GRIA3: variants seen among roughly 807,000 people sequenced by gnomAD.
GRIA3 encodes the protein glutamate receptor 3.
In GRIA3, 3 loss-of-function variants were observed where a neutral mutation model predicts 63.0. That is an observed-to-expected ratio of 0.05 (90% CI 0.02 to 0.12). The LOEUF is 0.12. Among genes scored for constraint, GRIA3 ranks in the 10% least tolerant of loss-of-function variants. GRIA3 has a pLI of 1.00. For synonymous variants in GRIA3, 274 were observed against 257.9 expected, an observed-to-expected ratio of 1.06 and a Z score of -0.60; for missense variants, 347 against 700.9, an observed-to-expected ratio of 0.50 and a Z score of 5.70.
intron 2 of GRIA3, among the ~76,000 whole-genome samples, chrX:123,229,015 C>T (rs1569403480): frequency 9.0e-6 from 1 of 111,365 alleles, no homozygotes; most frequent in Non-Finnish European, 1.9e-5. Context: ...AGGAATTTCT[C>T]GCTGGGGTTG....
chrX:123,259,144 T>C (rs776424446), intron 3 of GRIA3, among the ~76,000 whole-genome samples: 4 of 112,079 alleles, frequency 3.6e-5, no homozygotes, highest in Non-Finnish European at 7.5e-5. Flanking sequence ...AGTTGTCAGA[T>C]AGCTAGGAAG....
At chrX:123,466,711 G>T (rs1297577025) in intron 13 of GRIA3, among the ~76,000 whole-genome samples, 1 of 112,191 alleles carries the variant, frequency 8.9e-6, no homozygotes, top group African/African-American at 3.2e-5. Flanking sequence ...AATCCTCCTT[G>T]GCCCAAGGGG....
intron 3 of GRIA3, among the ~76,000 whole-genome samples, chrX:123,296,434 A>G (rs1432742624): frequency 9.1e-6 from 1 of 109,972 alleles, no homozygotes; most frequent in Non-Finnish European, 1.9e-5. Context: ...CACCCTCCCC[A>G]ATTCCCACCC....
intron 5 of GRIA3, among the ~76,000 whole-genome samples, chrX:123,379,772 C>G (rs901177926): frequency 9.6e-6 from 1 of 103,782 alleles, no homozygotes. Context: ...TTAGGTATAT[C>G]TCCTACTGCT....
chrX:123,330,761 A>C (rs1299007955), intron 4 of GRIA3, among the ~76,000 whole-genome samples: 2 of 111,560 alleles, frequency 1.8e-5, no homozygotes. Context: ...ATTAGAAATG[A>C]CTCATTATAA....
chrX:123,305,783 C>T, intron 3 of GRIA3, among the ~76,000 whole-genome samples: 1 of 112,343 alleles, frequency 8.9e-6, no homozygotes. Context: ...AAATAGGTTA[C>T]ACAATTAAAT....
intron 5 of GRIA3, among the ~76,000 whole-genome samples, chrX:123,375,084 G>A (rs1241270182): frequency 1.8e-5 from 2 of 111,343 alleles, no homozygotes; most frequent in African/African-American, 6.5e-5. Flanking sequence ...CTGTCATATG[G>A]CTTTTATTAT....
At chrX:123,300,193 T>C (rs1342266804) in intron 3 of GRIA3, among the ~76,000 whole-genome samples, 1 of 109,602 alleles carries the variant, frequency 9.1e-6, no homozygotes, top group Non-Finnish European at 1.9e-5. Flanking sequence ...TTTTCTTTTA[T>C]TGTTGTGTCG....
At chrX:123,228,014 CT>C (rs1433199958) in intron 2 of GRIA3, among the ~76,000 whole-genome samples, 1 of 112,176 alleles carries the variant, frequency 8.9e-6, no homozygotes, top group African/African-American at 3.2e-5. Context: ...AGACTGGAGC[CT>C]TTCAGCTCCT....
chrX:123,483,729 G>A (rs1308984789), intron 15 of GRIA3, among the ~76,000 whole-genome samples: 14 of 111,871 alleles, frequency 1.3e-4, no homozygotes, highest in Admixed American at 9.5e-5. Context: ...TCAGGAGATC[G>A]AGACCATCTT....
At chrX:123,398,522 AG>A in intron 6 of GRIA3, 113 bp from the exon 7 acceptor site, 4 of 573,743 alleles carry the variant, frequency 7.0e-6, no homozygotes, top group Non-Finnish European at 8.7e-6. Context: ...TTAAATAAAT[AG>A]GGGGGTGACT....
chrX:123,260,832 ACAGCCTGCCTAAT>A lies in GRIA3; in HGVS notation c.508+7292_508+7304del, dbSNP rs1023865145. Among the ~76,000 whole-genome samples the A allele has an allele frequency of 2.3e-4, 25 of 110,871 alleles. 1 individual carries two copies. Among genetic ancestry groups the A allele is most frequent in the Middle Eastern group, 4.6e-3 (1 of 217 alleles). ...GTACCTGAGACATTTGGTAGTTTCC[ACAGCCTGCCTAAT>A]CTATTGTGATGAGTCTTCAACTATG... is the stretch of plus-strand genomic sequence containing the variant. On this transcript the variant is annotated intron_variant, in intron 3 of 15. Transcript: ENST00000620443.
intron 3 of GRIA3, among the ~76,000 whole-genome samples, chrX:123,294,055 T>TAA (rs10633680): frequency 0.049 from 5,019 of 102,808 alleles, 221 homozygotes; most frequent in African/African-American, 0.15. Context: ...TCCTTGCTAA[T>TAA]AAAAAAAAAA....
Position 123,312,182 on chromosome X carries a change from C to T in GRIA3, c.509-13844C>T, listed in dbSNP as rs188992586. ...AAAACCTGAGGGATGAGAGTAAAAA[C>T]ATTATACATCACAATACAAGAAAAC... On this transcript the variant is annotated intron_variant, in intron 3 of 15. Transcript: ENST00000620443. 8.0e-3 allele frequency among the ~76,000 whole-genome samples: 894 copies of T among 111,799 alleles called. 22 individuals carry two copies. Among genetic ancestry groups the T allele is most frequent in the East Asian group, 0.043 (152 of 3,545 alleles).
intron 3 of GRIA3, among the ~76,000 whole-genome samples, chrX:123,278,938 A>AT (rs778599618): frequency 3.6e-4 from 40 of 111,029 alleles, no homozygotes; most frequent in Non-Finnish European, 7.0e-4. Flanking sequence ...AAATTTTAGC[A>AT]TTTTTTTCTA....
At chrX:123,302,555 T>C (rs184993783) in intron 3 of GRIA3, among the ~76,000 whole-genome samples, 1 of 111,362 alleles carries the variant, frequency 9.0e-6, no homozygotes, top group Non-Finnish European at 1.9e-5. Flanking sequence ...TGGATCTCGA[T>C]TCTCTCCTAG....
chrX:123,320,666 G>C (rs1395794445), intron 3 of GRIA3, among the ~76,000 whole-genome samples: 2 of 112,041 alleles, frequency 1.8e-5, no homozygotes, highest in Non-Finnish European at 3.8e-5. Context: ...CTTAAAATGA[G>C]AGCTATAAAG....
chrX:123,222,003 G>C (rs960299320), intron 2 of GRIA3, among the ~76,000 whole-genome samples: 3 of 111,308 alleles, frequency 2.7e-5, no homozygotes, highest in Admixed American at 9.6e-5. Context: ...AGTCATAAAT[G>C]ATGAACATCT....
At chrX:123,311,795 C>A (rs1428427684) in intron 3 of GRIA3, among the ~76,000 whole-genome samples, 3 of 112,042 alleles carry the variant, frequency 2.7e-5, no homozygotes, top group South Asian at 7.5e-4. Flanking sequence ...CAGGTATTTA[C>A]ACAACAATGT....
Sources: gnomAD v4.1 joint callset for allele counts (sites outside exome capture counted in the v4.1 genomes callset) on GRCh38, gnomAD v4.1.1 for gene constraint, MANE v1.5 for transcripts, NCBI Gene and HGNC (gene_info 2026-07-23, HGNC 2026-07-21) for gene names.